Variants in SATB2 observed in about 807,000 individuals in gnomAD.
SATB2 encodes the protein DNA-binding protein SATB2.
Under a neutral mutation model 73.4 loss-of-function variants are expected in SATB2, and 1 was observed. The observed-to-expected ratio is 0.01, with a 90% CI of 0.00 to 0.06. The LOEUF (loss-of-function observed/expected upper bound fraction) is 0.06, where lower values mean the gene tolerates loss of function less well. Ranked by LOEUF, SATB2 falls within the 10% of genes least tolerant of loss-of-function variation. SATB2 has a pLI of 1.00. For synonymous variants in SATB2, 397 were observed against 367.0 expected (o/e 1.08, Z -0.93); for missense variants, 459 against 945.8 (o/e 0.49, Z 6.75).
At chr2:199,384,106 G>A (rs1689859619) in intron 3 of SATB2, among the ~76,000 whole-genome samples, 1 of 152,124 alleles carries the variant, frequency 6.6e-6, no homozygotes. Flanking sequence ...TCATTCTACT[G>A]GAAATAGAAT....
At position 199,462,955 on chromosome 2, in the gene SATB2, T is replaced by C. The variant is rs1008006606; in HGVS notation, c.-141+1881A>G. Among the ~76,000 whole-genome samples, 2 of 152,152 alleles carry C rather than the reference T, an allele frequency of 1.3e-5. No individual in the cohort carries two copies. Among genetic ancestry groups the C allele is most frequent in the Non-Finnish European group, 2.9e-5 (2 of 68,026 alleles). ...GCTGCCTCAGGCGAGGACGGGGAGC[T>C]TTCTGCACTGGGCTTCCCGGGGTAG... On this transcript the variant is annotated intron_variant, in intron 1 of 11. Coordinates refer to the SATB2 transcript ENST00000260926. This position sits in a 1 kb window ranked among gnomAD's most constrained non-coding sequence, Gnocchi z 5.9.
At chr2:199,362,291 T>G (rs1689161423) in intron 6 of SATB2, among the ~76,000 whole-genome samples, 1 of 152,026 alleles carries the variant, frequency 6.6e-6, no homozygotes, top group South Asian at 2.1e-4. Context: ...CCTTCTCTTT[T>G]CCTCCTTGCT....
At chr2:199,390,775 C>T (rs1293342252) in intron 3 of SATB2, among the ~76,000 whole-genome samples, 1 of 152,114 alleles carries the variant, frequency 6.6e-6, no homozygotes, top group East Asian at 1.9e-4. Context: ...TCCTGAGGAC[C>T]TGGCTTTCCA....
intron 10 of SATB2, among the ~76,000 whole-genome samples, chr2:199,294,492 G>C (rs1692965776): frequency 6.6e-6 from 1 of 152,098 alleles, no homozygotes; most frequent in Non-Finnish European, 1.5e-5. Context: ...TCATTACTAT[G>C]TTAACTTACT....
intron 6 of SATB2, among the ~76,000 whole-genome samples, chr2:199,355,841 T>C (rs1304168340): frequency 6.6e-6 from 1 of 152,064 alleles, no homozygotes; most frequent in Admixed American, 6.6e-5. Flanking sequence ...ACAAGAAAAA[T>C]AGTTGTTTAT....
At chr2:199,364,909 A>G (rs1003593110) in intron 6 of SATB2, among the ~76,000 whole-genome samples, 3 of 152,118 alleles carry the variant, frequency 2.0e-5, no homozygotes, top group African/African-American at 7.2e-5. Flanking sequence ...GATTGCCATG[A>G]GAGTAAAACT....
intron 3 of SATB2, among the ~76,000 whole-genome samples, chr2:199,411,061 TGATAAG>T (rs1690798799): frequency 6.6e-6 from 1 of 152,150 alleles, no homozygotes; most frequent in Non-Finnish European, 1.5e-5. Flanking sequence ...TTCTTTCTTA[TGATAAG>T]GATCTCATTT....
chr2:199,305,221 G>A (rs146952294), intron 10 of SATB2, among the ~76,000 whole-genome samples: 13 of 152,250 alleles, frequency 8.5e-5, no homozygotes, highest in African/African-American at 3.1e-4. Context: ...GACAGTAAGT[G>A]TGTGCCCTGC....
At chr2:199,290,533 T>C (rs952914367) in intron 10 of SATB2, among the ~76,000 whole-genome samples, 1 of 152,232 alleles carries the variant, frequency 6.6e-6, no homozygotes, top group Non-Finnish European at 1.5e-5. Context: ...ATGTAGGCAC[T>C]CACTAAAAAT....
At chr2:199,454,460 C>T (rs1474266888) in intron 2 of SATB2, among the ~76,000 whole-genome samples, 1 of 152,110 alleles carries the variant, frequency 6.6e-6, no homozygotes, top group Non-Finnish European at 1.5e-5. Flanking sequence ...TGCCAAAAGT[C>T]TGACATTATT....
chr2:199,305,353 A>G (rs1687400969), intron 10 of SATB2, among the ~76,000 whole-genome samples: 1 of 151,990 alleles, frequency 6.6e-6, no homozygotes, highest in Non-Finnish European at 1.5e-5. Flanking sequence ...ATAGGGGGGT[A>G]AAAGGTGGGA....
chr2:199,470,388 C>T (rs1038082615), intron 1 of SATB2: 5 of 152,178 alleles, frequency 3.3e-5, no homozygotes, highest in Admixed American at 2.6e-4. Context: ...CGGGCTGCTC[C>T]GAAGCTGGAG....
chr2:199,382,234 G>A (rs548647332), intron 3 of SATB2, among the ~76,000 whole-genome samples: 1 of 152,246 alleles, frequency 6.6e-6, no homozygotes, highest in South Asian at 2.1e-4. Flanking sequence ...GAAAATTCCT[G>A]TGTGTGGGCT....
chr2:199,434,157 G>T (rs907540066), intron 2 of SATB2, among the ~76,000 whole-genome samples: 13 of 151,928 alleles, frequency 8.6e-5, no homozygotes, highest in African/African-American at 3.1e-4. Flanking sequence ...CAACTAGCCT[G>T]AAAATAACAT....
chr2:199,421,175 A>G (rs1248311506), intron 3 of SATB2, among the ~76,000 whole-genome samples: 1 of 152,196 alleles, frequency 6.6e-6, no homozygotes, highest in African/African-American at 2.4e-5. Context: ...AGGTACTCAA[A>G]TAGGTTCCAG....
Position 199,431,693 on chromosome 2 carries a change from A to G in SATB2, c.346+1645T>C, listed in dbSNP as rs546801940. 3.3e-5 allele frequency among the ~76,000 whole-genome samples: 5 copies of G among 152,292 alleles called. No individual in the cohort carries two copies. In the East Asian group the frequency reaches 9.7e-4, roughly 29 times the overall value. On this transcript the variant is annotated intron_variant, in intron 3 of 10. Transcript: ENST00000417098. ...CCTGAAAGGAATAGTGTGGCTCCCT[A>G]GTGCAAATTTCCTGAGAGCCCCTTC...
At chr2:199,293,641 T>C (rs1692938644) in intron 10 of SATB2, among the ~76,000 whole-genome samples, 2 of 152,150 alleles carry the variant, frequency 1.3e-5, no homozygotes, top group Admixed American at 1.3e-4. Flanking sequence ...TTTGTAAAAA[T>C]GTAATTATCC....
At chr2:199,323,291 A>G (rs1687938418) in intron 9 of SATB2, among the ~76,000 whole-genome samples, 1 of 152,068 alleles carries the variant, frequency 6.6e-6, no homozygotes, top group Non-Finnish European at 1.5e-5. Flanking sequence ...TTTTCTCCTG[A>G]AAAAATCAAC....
At chr2:199,365,696 T>C (rs1689263019) in intron 6 of SATB2, among the ~76,000 whole-genome samples, 1 of 152,098 alleles carries the variant, frequency 6.6e-6, no homozygotes, top group African/African-American at 2.4e-5. Flanking sequence ...TTGTATGTAG[T>C]TTTTACATCT....
Sources: allele counts gnomAD v4.1 joint callset (sites outside exome capture counted in the v4.1 genomes callset), GRCh38; gene constraint gnomAD v4.1.1; non-coding constraint Gnocchi (gnomAD v3.1); transcripts MANE v1.5; gene names NCBI Gene and HGNC (gene_info 2026-07-23, HGNC 2026-07-21).